SLC13A1: variants seen among roughly 807,000 people sequenced by gnomAD.
The protein encoded by SLC13A1 is solute carrier family 13 member 1.
In SLC13A1, 65 loss-of-function variants were observed where a neutral mutation model predicts 70.0. The observed-to-expected ratio is 0.93, with a 90% confidence interval of 0.76 to 1.14. The LOEUF (loss-of-function observed/expected upper bound fraction) is 1.14, where lower values mean the gene tolerates loss of function less well. Among genes scored for constraint, SLC13A1 ranks in the 50% most tolerant of loss-of-function variants. SLC13A1 has a pLI of 0.00. For synonymous variants in SLC13A1, 275 were observed against 250.5 expected (o/e 1.10, Z -0.92); for missense variants, 726 against 717.8 (o/e 1.01, Z -0.13).
intron 6 of SLC13A1, among the ~76,000 whole-genome samples, chr7:123,158,353 T>G (rs1024612870): frequency 2.6e-5 from 4 of 152,034 alleles, no homozygotes; most frequent in Non-Finnish European, 5.9e-5. Flanking sequence ...AATAACAATT[T>G]AAAAGCTCAG....
At chr7:123,168,947 A>G (rs1034465517) in intron 4 of SLC13A1, among the ~76,000 whole-genome samples, 1 of 152,222 alleles carries the variant, frequency 6.6e-6, no homozygotes, top group African/African-American at 2.4e-5. Context: ...TTCTTTTTGC[A>G]AGCAAATAGA....
intron 6 of SLC13A1, among the ~76,000 whole-genome samples, chr7:123,148,062 T>G (rs1036979665): frequency 1.3e-5 from 2 of 152,184 alleles, no homozygotes; most frequent in African/African-American, 4.8e-5. Context: ...CATTGAGAGA[T>G]AAGTCAGTGT....
intron 6 of SLC13A1, among the ~76,000 whole-genome samples, chr7:123,162,449 C>T (rs938748483): frequency 6.6e-6 from 1 of 152,078 alleles, no homozygotes; most frequent in Non-Finnish European, 1.5e-5. Flanking sequence ...CCTCTCTCTC[C>T]TTGCTTACCT....
chr7:123,155,219 T>C (rs984334470), intron 6 of SLC13A1, among the ~76,000 whole-genome samples: 1 of 151,976 alleles, frequency 6.6e-6, no homozygotes, highest in Non-Finnish European at 1.5e-5. Context: ...ATTTTTAATA[T>C]ACTCTTCTCT....
chr7:123,120,169 A>G (rs1249725290), intron 12 of SLC13A1, among the ~76,000 whole-genome samples: 1 of 151,890 alleles, frequency 6.6e-6, no homozygotes, highest in Non-Finnish European at 1.5e-5. Context: ...ACCCCTTTTC[A>G]CTATAATATT....
chr7:123,119,455 G>A (rs1420357058), intron 12 of SLC13A1, among the ~76,000 whole-genome samples: 1 of 151,932 alleles, frequency 6.6e-6, no homozygotes, highest in Non-Finnish European at 1.5e-5. Context: ...ACATGGTTTA[G>A]AAAGTTTGAA....
intron 7 of SLC13A1, among the ~76,000 whole-genome samples, chr7:123,140,843 C>T (rs1794110904): frequency 6.6e-6 from 1 of 151,812 alleles, no homozygotes; most frequent in African/African-American, 2.4e-5. Context: ...AAAGATTTGC[C>T]AATTTTGTTT....
chr7:123,178,166 G>A (rs1331540344), intron 2 of SLC13A1, among the ~76,000 whole-genome samples: 1 of 151,874 alleles, frequency 6.6e-6, no homozygotes, highest in African/African-American at 2.4e-5. Flanking sequence ...AAATACTTTA[G>A]ATTTCTGGTT....
chr7:123,198,090 G>C lies in SLC13A1; in HGVS notation c.99+1758C>G, dbSNP rs138984366. On this transcript the variant is annotated intron_variant, in intron 1 of 14. Transcript: ENST00000194130. ...AATATAGCAGGGCTCCAGGTATGAA[G>C]CAGGATATGGTCATGATAGGATTCA... Among the ~76,000 whole-genome samples the C allele has an allele frequency of 1.3e-3, 191 of 152,170 alleles. 1 individual carries two copies. Among genetic ancestry groups the C allele is most frequent in the African/African-American group, 4.3e-3 (180 of 41,560 alleles).
In SLC13A1 at chr7:123,115,648, GC is replaced by G. The variant is rs1793156256; in HGVS notation, c.1657del (p.Ala553LeufsTer37). ...GHLKVIDMVK[A>X]GLGVNIVGVA... ...ACCAACAATGTTGACACCAAGTCCA[GC>G]TTTAACCTTGAACAGGAAAGAGCAT... On this transcript the variant is annotated frameshift_variant, in exon 15 of 15. Coordinates refer to ENST00000194130, the MANE Select transcript of SLC13A1 (RefSeq NM_022444.4). LOFTEE classifies it high-confidence loss of function. The G allele has an allele frequency of 4.3e-6, 7 of 1,613,684 alleles. No individual in the cohort carries two copies. Among genetic ancestry groups the G allele is most frequent in the Non-Finnish European group, 5.9e-6 (7 of 1,179,700 alleles).
chr7:123,122,613 G>C (rs1793420929), intron 12 of SLC13A1, among the ~76,000 whole-genome samples: 1 of 151,732 alleles, frequency 6.6e-6, no homozygotes, highest in African/African-American at 2.4e-5. Flanking sequence ...TGTTAGAAAG[G>C]GTTATGTGAA....
intron 7 of SLC13A1, among the ~76,000 whole-genome samples, chr7:123,146,130 T>C (rs911335864): frequency 6.6e-6 from 1 of 152,206 alleles, no homozygotes; most frequent in African/African-American, 2.4e-5. Context: ...TATTTTTACA[T>C]AGTTTACTTC....
intron 8 of SLC13A1, among the ~76,000 whole-genome samples, chr7:123,133,040 ATT>A (rs572250361): frequency 3.4e-5 from 5 of 147,030 alleles, no homozygotes; most frequent in Non-Finnish European, 6.0e-5. Flanking sequence ...ATTGGTCAAC[ATT>A]TTTTTTTTTA....
At chr7:123,196,762 A>G (rs1212720882) in intron 1 of SLC13A1, among the ~76,000 whole-genome samples, 1 of 152,150 alleles carries the variant, frequency 6.6e-6, no homozygotes, top group Non-Finnish European at 1.5e-5. Flanking sequence ...TGGCCTGTCT[A>G]AAGCATTTTC....
At chr7:123,163,566 C>T (rs545230114) in intron 6 of SLC13A1, among the ~76,000 whole-genome samples, 2 of 152,108 alleles carry the variant, frequency 1.3e-5, no homozygotes, top group Admixed American at 6.6e-5. Context: ...AAATGATCAT[C>T]GTTATTATCT....
At chr7:123,126,838 C>T (rs1793578865) in intron 10 of SLC13A1, among the ~76,000 whole-genome samples, 1 of 151,928 alleles carries the variant, frequency 6.6e-6, no homozygotes, top group Admixed American at 6.6e-5. Flanking sequence ...GGCCAGGCAT[C>T]ATGTAACCAG....
At chr7:123,148,182 T>C (rs2116424323) in intron 6 of SLC13A1, among the ~76,000 whole-genome samples, 1 of 152,258 alleles carries the variant, frequency 6.6e-6, no homozygotes, top group Non-Finnish European at 1.5e-5. Flanking sequence ...CTCTCCCCAT[T>C]CCTTTGACCA....
intron 10 of SLC13A1, among the ~76,000 whole-genome samples, chr7:123,128,021 A>G (rs146115187): frequency 6.6e-5 from 10 of 151,786 alleles, no homozygotes; most frequent in African/African-American, 2.4e-4. Context: ...ATTATGCTAT[A>G]CCCTTCCCCC....
At position 123,181,028 on chromosome 7, in the gene SLC13A1, G is replaced by A; in HGVS notation, c.173C>T (p.Thr58Ile). ...TAACATTAAACTAGGTAGCAAAGCT[G>A]TTACCGACAGAGGCAATGCTTCTGT... ...WLTEALPLSV[T>I]ALLPSLMLPM... Residue 58 changes from threonine to isoleucine, a missense_variant, in exon 2 of 15, where the codon ACA (threonine) becomes ATA (isoleucine). Transcript: ENST00000194130. 6.2e-7 allele frequency: 1 copy of A among 1,612,884 alleles called. No homozygotes were observed. The highest frequency in any genetic ancestry group is 8.5e-7 in the Non-Finnish European group (1 of 1,179,190).
Sources: gnomAD v4.1 joint callset for allele counts (sites outside exome capture counted in the v4.1 genomes callset) on GRCh38, gnomAD v4.1.1 for gene constraint, MANE v1.5 for transcripts, NCBI Gene and HGNC (gene_info 2026-07-23, HGNC 2026-07-21) for gene names.